Variants in RTTN observed in about 807,000 individuals in gnomAD.
The protein encoded by RTTN is rotatin.
RTTN carries 182 observed loss-of-function variants against 269.2 expected under a neutral mutation model. The ratio of observed to expected loss-of-function variants is 0.68; its 90% CI spans 0.60 to 0.76. RTTN has a LOEUF of 0.76. RTTN is among the 30% of genes least tolerant of loss of function. The pLI is 0.00. For synonymous variants in RTTN, 1,006 were observed against 963.5 expected, an observed-to-expected ratio of 1.04 and a Z score of -0.82; for missense variants, 2,545 against 2,608.6, an observed-to-expected ratio of 0.98 and a Z score of 0.53.
At chr18:70,166,240 CA>C in intron 13 of RTTN, 52 bp from the exon 14 acceptor site, 1 of 1,576,300 alleles carries the variant, frequency 6.3e-7, no homozygotes, top group Non-Finnish European at 8.7e-7. Flanking sequence ...AGTTAGTAAG[CA>C]AAAGACTGCA....
chr18:70,062,985 A>G (rs1174927376), intron 35 of RTTN, among the ~76,000 whole-genome samples: 1 of 152,188 alleles, frequency 6.6e-6, no homozygotes, highest in East Asian at 1.9e-4. Context: ...ATATTGTTAT[A>G]TATCTATCAA....
At chr18:70,143,510 C>T (rs963187832) in intron 18 of RTTN, among the ~76,000 whole-genome samples, 6 of 152,132 alleles carry the variant, frequency 3.9e-5, no homozygotes, top group African/African-American at 1.4e-4. Context: ...AAACCAAATA[C>T]TGCATGTTCT....
At chr18:70,067,780 C>T (rs1009365841) in intron 34 of RTTN, among the ~76,000 whole-genome samples, 2 of 152,132 alleles carry the variant, frequency 1.3e-5, no homozygotes, top group Admixed American at 6.5e-5. Context: ...GCGGTTTCAA[C>T]GATCGGTGTG....
intron 34 of RTTN, among the ~76,000 whole-genome samples, chr18:70,068,412 G>C (rs1358625576): frequency 6.6e-6 from 1 of 152,198 alleles, no homozygotes; most frequent in Non-Finnish European, 1.5e-5. Flanking sequence ...TCTCAGTCCA[G>C]AACTGCATTC....
At chr18:70,146,192 G>A (rs541296594) in intron 17 of RTTN, among the ~76,000 whole-genome samples, 9 of 152,208 alleles carry the variant, frequency 5.9e-5, no homozygotes, top group East Asian at 5.8e-4. Context: ...GAGTAATGAC[G>A]CTCATAATGG....
At chr18:70,139,002 A>T (rs953041732) in intron 21 of RTTN, 5 of 151,286 alleles carry the variant, frequency 3.3e-5, no homozygotes, top group African/African-American at 1.2e-4. Flanking sequence ...TCCATTGAGA[A>T]AAAAAAAAAA....
chr18:70,006,675 A>C (rs2056199215), intron 46 of RTTN, 191 bp from the exon 47 acceptor site: 1 of 560,488 alleles, frequency 1.8e-6, no homozygotes, highest in Non-Finnish European at 3.2e-6. Context: ...CATTGTTTTC[A>C]TGTCAGGCAT....
At position 70,159,387 on chromosome 18, in the gene RTTN, C is replaced by G. The variant is rs190904548; in HGVS notation, c.1929+6675G>C. ...GCAGAAATCATAAAATTCTTTGAAA[C>G]TAACAAAAACAGAAACACAATATAT... is the stretch of plus-strand genomic sequence containing the variant. On this transcript the variant is annotated intron_variant, in intron 14 of 48. Coordinates refer to ENST00000640769, the MANE Select transcript of RTTN (RefSeq NM_173630.4). Among the ~76,000 whole-genome samples the G allele has an allele frequency of 1.2e-3, 183 of 152,214 alleles. 1 individual carries two copies. Among genetic ancestry groups the G allele is most frequent in the Non-Finnish European group, 2.1e-3 (146 of 67,992 alleles).
intron 14 of RTTN, among the ~76,000 whole-genome samples, chr18:70,155,563 G>T (rs1428716595): frequency 1.3e-5 from 2 of 152,202 alleles, no homozygotes; most frequent in Non-Finnish European, 2.9e-5. Flanking sequence ...GATCCTCTAG[G>T]ATCCTAACTA....
chr18:70,205,397 G>T, intron 1 of RTTN, 82 bp from the exon 2 acceptor site: 1 of 1,555,752 alleles, frequency 6.4e-7, no homozygotes, highest in Non-Finnish European at 8.8e-7. Context: ...GGAGCGGCGT[G>T]AAGACGGAAT....
chr18:70,016,765 GATCTCTCTCAATCATCAAAT>G (rs2060602293), intron 46 of RTTN, among the ~76,000 whole-genome samples: 1 of 151,822 alleles, frequency 6.6e-6, no homozygotes, highest in Admixed American at 6.6e-5. Context: ...GTCTGCTTGG[GATCTCTCTCAATCATCAAAT>G]ATTTATTGAG....
chr18:70,052,642 T>TTA (rs1327265663), intron 38 of RTTN, among the ~76,000 whole-genome samples: 6,166 of 145,900 alleles, frequency 0.042, 240 homozygotes, highest in African/African-American at 0.1. Flanking sequence ...ATTTATTTAC[T>TTA]TATATATATA....
chr18:70,100,820 A>T (rs2059140833), intron 28 of RTTN, among the ~76,000 whole-genome samples: 1 of 152,210 alleles, frequency 6.6e-6, no homozygotes, highest in Admixed American at 6.5e-5. Flanking sequence ...CCTTTTCTGC[A>T]TCTATTGAGA....
intron 18 of RTTN, among the ~76,000 whole-genome samples, chr18:70,143,075 C>T (rs1203088583): frequency 6.6e-6 from 1 of 152,078 alleles, no homozygotes; most frequent in Non-Finnish European, 1.5e-5. Flanking sequence ...GATGGTCCCT[C>T]GTAGCAGTTT....
At chr18:70,109,265 T>C (rs111634033) in intron 28 of RTTN, among the ~76,000 whole-genome samples, 7 of 152,268 alleles carry the variant, frequency 4.6e-5, no homozygotes, top group African/African-American at 1.7e-4. Context: ...AGCGAACACT[T>C]CCTTTGAGCA....
chr18:70,154,518 T>C (rs765590782), intron 14 of RTTN, among the ~76,000 whole-genome samples: 1 of 152,190 alleles, frequency 6.6e-6, no homozygotes, highest in African/African-American at 2.4e-5. Context: ...TTTATCTCAA[T>C]GATACTCACC....
chr18:70,115,615 TAA>T (rs2059584879), intron 26 of RTTN, among the ~76,000 whole-genome samples: 1 of 151,888 alleles, frequency 6.6e-6, no homozygotes, highest in African/African-American at 2.4e-5. Flanking sequence ...CATAGATTTA[TAA>T]AGAGGTTAAA....
At chr18:70,063,276 T>C (rs1198606487) in intron 35 of RTTN, among the ~76,000 whole-genome samples, 1 of 152,224 alleles carries the variant, frequency 6.6e-6, no homozygotes, top group East Asian at 1.9e-4. Context: ...CAATACTTAA[T>C]TGTTGGCAAT....
At chr18:70,082,495 T>C (rs2058595835) in intron 32 of RTTN, among the ~76,000 whole-genome samples, 1 of 152,162 alleles carries the variant, frequency 6.6e-6, no homozygotes, top group Non-Finnish European at 1.5e-5. Context: ...GTTGTTAAAG[T>C]TTCAGGGATA....
Sources: gnomAD v4.1 joint callset for allele counts (sites outside exome capture counted in the v4.1 genomes callset) on GRCh38, gnomAD v4.1.1 for gene constraint, MANE v1.5 for transcripts, NCBI Gene and HGNC (gene_info 2026-07-23, HGNC 2026-07-21) for gene names.